Variants in CCDC38 observed in about 807,000 individuals in gnomAD.
The protein encoded by CCDC38 is coiled-coil domain-containing protein 38.
A neutral mutation model predicts 72.8 loss-of-function variants in CCDC38; 69 were observed. The ratio of observed to expected loss-of-function variants is 0.95; its 90% confidence interval spans 0.78 to 1.16. The LOEUF (loss-of-function observed/expected upper bound fraction) is 1.16. Among genes scored for constraint, CCDC38 ranks in the 50% most tolerant of loss-of-function variants. The probability of loss-of-function intolerance (pLI) is 0.00; values close to 1 mark genes in which losing one functional copy is unlikely to be tolerated. For missense variants in CCDC38, 626 were observed against 638.9 expected, an observed-to-expected ratio of 0.98 and a Z score of 0.22; for synonymous variants, 201 against 213.2, an observed-to-expected ratio of 0.94 and a Z score of 0.50.
At chr12:95,939,591 C>T (rs2080428410) in intron 1 of CCDC38, among the ~76,000 whole-genome samples, 1 of 152,106 alleles carries the variant, frequency 6.6e-6, no homozygotes, top group Non-Finnish European at 1.5e-5. Flanking sequence ...AGATAAAGAA[C>T]TGATTGCAGA....
intron 4 of CCDC38, among the ~76,000 whole-genome samples, chr12:95,913,493 C>T (rs1366363264): frequency 2.6e-5 from 4 of 152,148 alleles, no homozygotes; most frequent in Admixed American, 6.5e-5. Context: ...ACATCCTAGA[C>T]AGGAAATATT....
chr12:95,936,558 T>C (rs2080396680), intron 1 of CCDC38, 35 bp from the exon 2 acceptor site: 2 of 1,569,662 alleles, frequency 1.3e-6, no homozygotes, highest in East Asian at 2.2e-5. Context: ...TTTTTAAAAA[T>C]TCTATGAACA....
At chr12:95,933,534 T>G (rs1295071961) in intron 2 of CCDC38, 3 of 152,210 alleles carry the variant, frequency 2.0e-5, no homozygotes, top group Non-Finnish European at 2.9e-5. Flanking sequence ...CAATGCCAAG[T>G]GTTTGGAGAG....
intron 9 of CCDC38, among the ~76,000 whole-genome samples, chr12:95,889,997 G>A (rs1044005224): frequency 3.3e-5 from 5 of 151,990 alleles, no homozygotes; most frequent in African/African-American, 1.2e-4. Flanking sequence ...CCATGGCCTC[G>A]ATTTGCTGGG....
At chr12:95,909,310 T>C (rs775836237) in intron 4 of CCDC38, among the ~76,000 whole-genome samples, 1 of 151,998 alleles carries the variant, frequency 6.6e-6, no homozygotes, top group East Asian at 1.9e-4. Context: ...AGGAAATAGA[T>C]AAATTCCTGG....
At chr12:95,914,578 T>C (rs769450042) in intron 4 of CCDC38, among the ~76,000 whole-genome samples, 2 of 152,204 alleles carry the variant, frequency 1.3e-5, no homozygotes, top group Non-Finnish European at 2.9e-5. Context: ...TAAAAAGTTT[T>C]AAATCATAAC....
chr12:95,870,303 T>C (rs573266242), intron 14 of CCDC38, among the ~76,000 whole-genome samples: 1 of 152,160 alleles, frequency 6.6e-6, no homozygotes, highest in Non-Finnish European at 1.5e-5. Flanking sequence ...TTTGTCATAC[T>C]CTCTTTAGGG....
intron 10 of CCDC38, among the ~76,000 whole-genome samples, chr12:95,884,978 A>T (rs984423503): frequency 7.2e-5 from 11 of 152,244 alleles, no homozygotes; most frequent in African/African-American, 2.4e-4. Flanking sequence ...CACAATTCCC[A>T]TCATAATTCC....
intron 2 of CCDC38, among the ~76,000 whole-genome samples, chr12:95,935,887 T>G (rs2080388234): frequency 6.6e-6 from 1 of 152,142 alleles, no homozygotes; most frequent in African/African-American, 2.4e-5. Flanking sequence ...GAGACCAGCC[T>G]GGCCAACATG....
At chr12:95,895,838 A>G (rs1239747020) in intron 7 of CCDC38, among the ~76,000 whole-genome samples, 1 of 151,036 alleles carries the variant, frequency 6.6e-6, no homozygotes, top group Non-Finnish European at 1.5e-5. Flanking sequence ...AGGGCAGATC[A>G]TGAGGTCAAG....
chr12:95,900,551 C>A (rs2079939539), intron 5 of CCDC38, among the ~76,000 whole-genome samples: 1 of 152,136 alleles, frequency 6.6e-6, no homozygotes, highest in Non-Finnish European at 1.5e-5. Flanking sequence ...GCTGGGTGCA[C>A]AAATTACCAA....
intron 4 of CCDC38, among the ~76,000 whole-genome samples, chr12:95,914,601 A>T (rs570343294): frequency 6.6e-6 from 1 of 152,152 alleles, no homozygotes; most frequent in Admixed American, 6.5e-5. Context: ...TAAAACCACC[A>T]TCACCCCTAA....
chr12:95,908,449 G>C (rs537749640), intron 4 of CCDC38, among the ~76,000 whole-genome samples: 1 of 350 alleles, frequency 2.9e-3, no homozygotes, highest in East Asian at 0.013. Context: ...TGGAAAGAGG[G>C]AGAGGGAGAG....
chr12:95,874,687 C>T (rs2079617296), intron 13 of CCDC38, among the ~76,000 whole-genome samples: 1 of 152,140 alleles, frequency 6.6e-6, no homozygotes, highest in Non-Finnish European at 1.5e-5. Context: ...GAGGAGCTGC[C>T]AAGGGAGTCT....
At chr12:95,897,233 C>A (rs1253417980) in intron 7 of CCDC38, among the ~76,000 whole-genome samples, 1 of 152,134 alleles carries the variant, frequency 6.6e-6, no homozygotes, top group Non-Finnish European at 1.5e-5. Flanking sequence ...TTAGCATTGA[C>A]CTGATACCAA....
At position 95,895,021 on chromosome 12, in the gene CCDC38, T is replaced by C. The variant is rs1351088859; in HGVS notation, c.740A>G (p.Lys247Arg). The C allele has an allele frequency of 3.1e-6, 5 of 1,609,732 alleles. No individual in the cohort carries two copies. In the African/African-American group the frequency reaches 6.7e-5, roughly 21 times the overall value. ...ALKRAQASKS[K>R]ANIILPKILA... ...TATTTTTGGAAGGATGATATTTGCT[T>C]TACTTTTTGATGCCTGTGCTCTTTT... is the stretch of plus-strand genomic sequence containing the variant. Residue 247 changes from lysine (K) to arginine (R), a missense_variant, in exon 8 of 16, where the codon AAA (lysine) becomes AGA (arginine). Lys to Arg is a conservative substitution (Grantham distance 26). Transcript: ENST00000344280.
intron 4 of CCDC38, among the ~76,000 whole-genome samples, chr12:95,914,742 T>A (rs1345322446): frequency 6.6e-6 from 1 of 152,134 alleles, no homozygotes; most frequent in African/African-American, 2.4e-5. Context: ...TCCTAAAGTC[T>A]CTTTTAAATC....
chr12:95,903,278 A>G (rs890080736), intron 5 of CCDC38: 45 of 531,654 alleles, frequency 8.5e-5, no homozygotes, highest in Non-Finnish European at 1.4e-4. Context: ...AGGTTATGGT[A>G]GTTTTAAAAT....
At chr12:95,883,010 C>A (rs74497994) in intron 10 of CCDC38, among the ~76,000 whole-genome samples, 1 of 152,132 alleles carries the variant, frequency 6.6e-6, no homozygotes, top group Admixed American at 6.6e-5. Context: ...GAAATCTGGG[C>A]GTTATCTGTA....
Sources: allele counts gnomAD v4.1 joint callset (sites outside exome capture counted in the v4.1 genomes callset), GRCh38; gene constraint gnomAD v4.1.1; transcripts MANE v1.5; gene names NCBI Gene and HGNC (gene_info 2026-07-23, HGNC 2026-07-21).